Variants in ANKRD17 observed in about 807,000 individuals in gnomAD.
ANKRD17 encodes the protein ankyrin repeat domain-containing protein 17.
Under a neutral mutation model 229.7 loss-of-function variants are expected in ANKRD17, and 19 were observed. That is an observed-to-expected ratio of 0.08 (90% CI 0.06 to 0.12). The LOEUF is 0.12. Among genes scored for constraint, ANKRD17 ranks in the 10% least tolerant of loss-of-function variants. The pLI, the probability that ANKRD17 is intolerant of heterozygous loss-of-function variation, is 1.00. For missense variants in ANKRD17, 2,176 were observed against 3,176.8 expected (o/e 0.68, Z 7.57); for synonymous variants, 1,112 against 1,146.1 (o/e 0.97, Z 0.60).
chr4:73,232,188 C>T (rs1053549294), intron 1 of ANKRD17, among the ~76,000 whole-genome samples: 8 of 152,210 alleles, frequency 5.3e-5, no homozygotes, highest in Non-Finnish European at 1.2e-4. Context: ...AGATCAGCCA[C>T]GTCTTTAGAA....
chr4:73,168,628 A>C lies in ANKRD17; in HGVS notation c.548-7280T>G, dbSNP rs183167260. On this transcript the variant is annotated intron_variant, in intron 2 of 33. Transcript: ENST00000358602. Reference sequence around the variant, plus strand: ...TCAGTTATTCACAGTAGTTATGTTAAGTCGCTAGAAACACGGAATTAGCAA... The same window carrying C: ...TCAGTTATTCACAGTAGTTATGTTACGTCGCTAGAAACACGGAATTAGCAA... Among the ~76,000 whole-genome samples the C allele has an allele frequency of 9.8e-5, 15 of 152,358 alleles. 1 individual carries two copies. The highest frequency in any genetic ancestry group is 3.6e-4 in the African/African-American group (15 of 41,594).
At chr4:73,192,437 T>C (rs1055926735) in intron 1 of ANKRD17, among the ~76,000 whole-genome samples, 3 of 151,996 alleles carry the variant, frequency 2.0e-5, no homozygotes, top group Non-Finnish European at 4.4e-5. Flanking sequence ...TGTGCAAGAA[T>C]GTACACAAAA....
Position 73,165,542 on chromosome 4 carries a change from A to C in ANKRD17, c.548-4194T>G, listed in dbSNP as rs1407372693. On this transcript the variant is annotated intron_variant, in intron 2 of 33. Coordinates refer to ENST00000358602, the MANE Select transcript of ANKRD17 (RefSeq NM_032217.5). Reference sequence around the variant, plus strand: ...ACAAACACTGGCAGGTGTGTGTCTAATAAAATGATCCTAAGGTTACCCGTC... The same window carrying C: ...ACAAACACTGGCAGGTGTGTGTCTACTAAAATGATCCTAAGGTTACCCGTC... Among the ~76,000 whole-genome samples, 9 of 152,336 alleles carry C rather than the reference A, an allele frequency of 5.9e-5. No homozygotes were observed. The East Asian group carries it at 1.5e-3, about 26-fold the overall frequency.
Position 73,121,710 on chromosome 4 carries a change from A to G in ANKRD17, c.3542T>C (p.Val1181Ala). ...ARGANKEHRN[V>A]SDYTPLSLAA... ...CAGACTTAGAGGTGTGTAATCAGAA[A>G]CATTCCTGTGCTCTTTATTTGCCCC... Residue 1181 changes from valine (V) to alanine (A), a missense_variant, in exon 19 of 34, where the codon GTT (valine) becomes GCT (alanine). Val to Ala is a moderately conservative substitution (Grantham distance 64). Around this residue, in one of 18 missense-constraint regions of ANKRD17, gnomAD observed 178 missense variants for 421.7 expected, o/e 0.42. Coordinates refer to ENST00000358602, the MANE Select transcript of ANKRD17 (RefSeq NM_032217.5). 1 of 1,613,592 alleles carries G rather than the reference A, an allele frequency of 6.2e-7. No homozygotes were observed. The highest frequency in any genetic ancestry group is 8.5e-7 in the Non-Finnish European group (1 of 1,179,738).
intron 3 of ANKRD17, among the ~76,000 whole-genome samples, chr4:73,160,439 G>A (rs1732376402): frequency 6.6e-6 from 1 of 152,016 alleles, no homozygotes; most frequent in African/African-American, 2.4e-5. Context: ...GGCTGGTCTT[G>A]AACTCCTGAC....
rs576091610 is a variant in ANKRD17 at position 73,250,746 on chromosome 4, G to A, written c.393+7530C>T. Among the ~76,000 whole-genome samples, 13 of 151,176 alleles carry A rather than the reference G, an allele frequency of 8.6e-5. No individual in the cohort carries two copies. The East Asian group carries it at 2.0e-3, about 23-fold the overall frequency. On this transcript the variant is annotated intron_variant, in intron 1 of 33. Transcript: ENST00000358602. ...GCTTGAGACAGAGTCTCACTCTGTCGCCCAGACTGGAGTGCAAGGGCGCGA... is the reference window on the plus strand; with the variant it reads ...GCTTGAGACAGAGTCTCACTCTGTCACCCAGACTGGAGTGCAAGGGCGCGA...
At chr4:73,150,073 A>G (rs1486873548) in intron 7 of ANKRD17, among the ~76,000 whole-genome samples, 1 of 152,020 alleles carries the variant, frequency 6.6e-6, no homozygotes, top group Non-Finnish European at 1.5e-5. Context: ...ACATTACACA[A>G]TTTTAATGGC....
intron 15 of ANKRD17, among the ~76,000 whole-genome samples, chr4:73,136,503 C>T (rs775104806): frequency 1.3e-5 from 2 of 152,050 alleles, no homozygotes; most frequent in African/African-American, 2.4e-5. Flanking sequence ...TATAATTATA[C>T]ATTTTTAAGT....
chr4:73,200,071 G>C (rs760092955), intron 1 of ANKRD17, among the ~76,000 whole-genome samples: 4 of 152,068 alleles, frequency 2.6e-5, no homozygotes, highest in Non-Finnish European at 4.4e-5. Flanking sequence ...AATTATACAG[G>C]AGGAAACATT....
At chr4:73,243,211 G>T (rs1744201302) in intron 1 of ANKRD17, among the ~76,000 whole-genome samples, 1 of 152,170 alleles carries the variant, frequency 6.6e-6, no homozygotes, top group African/African-American at 2.4e-5. Flanking sequence ...GTTCTGTGGG[G>T]CAAGTTAGGA....
intron 24 of ANKRD17, among the ~76,000 whole-genome samples, chr4:73,108,364 A>G (rs1372470853): frequency 1.3e-5 from 2 of 152,214 alleles, no homozygotes; most frequent in Non-Finnish European, 2.9e-5. Context: ...AGTCTGGGCT[A>G]GAGATACAAA....
intron 27 of ANKRD17, among the ~76,000 whole-genome samples, chr4:73,095,256 T>C (rs1400938472): frequency 6.6e-6 from 1 of 152,110 alleles, no homozygotes; most frequent in Non-Finnish European, 1.5e-5. Flanking sequence ...GAAAACTTTC[T>C]AAAAATCTTT....
intron 1 of ANKRD17, among the ~76,000 whole-genome samples, chr4:73,236,842 G>T (rs1218650931): frequency 6.6e-6 from 1 of 152,124 alleles, no homozygotes; most frequent in Non-Finnish European, 1.5e-5. Flanking sequence ...GGTAGATGAA[G>T]ACAACAAGGT....
rs1210226718 is a variant in ANKRD17, at chr4:73,146,739, A to C, written c.1869+25T>G. 2.0e-6 allele frequency: 3 copies of C among 1,487,488 alleles called. No homozygotes were observed. In the Admixed American group the frequency reaches 5.4e-5, roughly 27 times the overall value. 92.1% of individuals were successfully genotyped at this position (1,487,488 alleles called of 1,614,324 possible). ...ATTAATTTCTTATTGTTAAATATTA[A>C]GATTTAAAAAGTAACATAGCTTACC... On this transcript the variant is annotated intron_variant, in intron 10 of 33. Coordinates refer to ENST00000358602, the MANE Select transcript of ANKRD17 (RefSeq NM_032217.5).
rs143812968 is a variant in ANKRD17 at position 73,182,051 on chromosome 4, CAAAAAAAAAAAAAAAAAAAAAAAAA to C, written c.394-4543_394-4519del. Among the ~76,000 whole-genome samples, 13 of 43,258 alleles carry C rather than the reference CAAAAAAAAAAAAAAAAAAAAAAAAA, an allele frequency of 3.0e-4. No individual in the cohort carries two copies. In the South Asian group the frequency reaches 0.013, roughly 42 times the overall value. The allele number at this position is 43,258 out of a possible 152,430, so 28.4% of individuals were successfully genotyped here. A position where few individuals can be genotyped will look rare whatever the true frequency, so the allele number is the denominator to read the frequency against. ...CGACAGAGCAAGACTCCGTCCCCAC[CAAAAAAAAAAAAAAAAAAAAAAAAA>C]AAAAAAAAAAAAAAAATTTAAAAGA... On this transcript the variant is annotated intron_variant, in intron 1 of 33. Coordinates refer to ENST00000358602, the MANE Select transcript of ANKRD17 (RefSeq NM_032217.5).
In ANKRD17 at chr4:73,153,866, G is replaced by A; in HGVS notation, c.1234+14C>T. On this transcript the variant is annotated intron_variant, in intron 6 of 33. Coordinates refer to ENST00000358602, the MANE Select transcript of ANKRD17 (RefSeq NM_032217.5). ...TATTTAAAAACTTTGTTTTAAGAAA[G>A]GTTTATACTGTACCTTTGTAACAAG... The A allele has an allele frequency of 2.6e-6, 4 of 1,515,130 alleles. No individual in the cohort carries two copies. Among genetic ancestry groups the A allele is most frequent in the South Asian group, 2.7e-5 (2 of 74,028 alleles). The allele number at this position is 1,515,130 out of a possible 1,614,324, so 93.9% of individuals were successfully genotyped here.
chr4:73,178,894 AT>A (rs1735083465), intron 1 of ANKRD17, among the ~76,000 whole-genome samples: 1 of 152,174 alleles, frequency 6.6e-6, no homozygotes, highest in African/African-American at 2.4e-5. Flanking sequence ...ATTATATAAA[AT>A]ATCACTAAAA....
At chr4:73,082,703 C>T (rs1009213070) in intron 30 of ANKRD17, among the ~76,000 whole-genome samples, 30 of 152,114 alleles carry the variant, frequency 2.0e-4, no homozygotes, top group Admixed American at 3.3e-4. Context: ...AAACAACTGG[C>T]TTGTAGTCTT....
chr4:73,114,034 A>G (rs1725635515), intron 23 of ANKRD17, 126 bp from the exon 24 acceptor site: 1 of 610,182 alleles, frequency 1.6e-6, no homozygotes, highest in Non-Finnish European at 2.9e-6. Context: ...GAAAGGGGGA[A>G]AAAAGGTGTG....
Sources: allele counts gnomAD v4.1 joint callset (sites outside exome capture counted in the v4.1 genomes callset), GRCh38; gene constraint gnomAD v4.1.1; regional missense constraint gnomAD v4.1.1; transcripts MANE v1.5; gene names NCBI Gene and HGNC (gene_info 2026-07-23, HGNC 2026-07-21).